Variants in ATL2 observed in about 807,000 individuals in gnomAD.
The protein encoded by ATL2 is atlastin GTPase 2.
A neutral mutation model predicts 73.9 loss-of-function variants in ATL2; 31 were observed. The ratio of observed to expected loss-of-function variants is 0.42; its 90% CI spans 0.32 to 0.57. ATL2 has a LOEUF of 0.57. Ranked by LOEUF, ATL2 falls within the 20% of genes least tolerant of loss-of-function variation. The pLI, the probability that ATL2 is intolerant of heterozygous loss-of-function variation, is 0.14. For synonymous variants in ATL2, 291 were observed against 237.5 expected (o/e 1.23, Z -2.07); for missense variants, 738 against 702.6 (o/e 1.05, Z -0.57).
Position 38,294,365 on chromosome 2 carries a change from G to A in ATL2, c.*1629C>T, listed in dbSNP as rs767691297. 6.6e-6 allele frequency among the ~76,000 whole-genome samples: 1 copy of A among 152,164 alleles called. No homozygotes were observed. The highest frequency in any genetic ancestry group is 1.5e-5 in the Non-Finnish European group (1 of 68,022). On this transcript the variant is annotated 3_prime_UTR_variant, in exon 13 of 13. Coordinates refer to ENST00000378954, the MANE Select transcript of ATL2 (RefSeq NM_001135673.4). ...CGATTGAGACCATCCTGGCTAAAAC[G>A]GTGAAACCCCATCTCTACTTAAAAT... is the stretch of plus-strand genomic sequence containing the variant.
At chr2:38,332,751 C>A (rs1382145530) in intron 2 of ATL2, among the ~76,000 whole-genome samples, 1 of 152,210 alleles carries the variant, frequency 6.6e-6, no homozygotes, top group Non-Finnish European at 1.5e-5. Context: ...ATGGCCCACT[C>A]AAGTTTCTGT....
rs146917971 is a variant in ATL2, at chr2:38,351,369, C to T, written c.119-7857G>A. 6.2e-3 allele frequency among the ~76,000 whole-genome samples: 938 copies of T among 151,952 alleles called. 11 individuals carry two copies. The highest frequency in any genetic ancestry group is 0.021 in the African/African-American group (862 of 41,466). Reference sequence around the variant, plus strand: ...AAGGACACTAATTTTATTCTGGTGGCAAAAATTAATGTTGCGTACCTCAAA... The same window carrying T: ...AAGGACACTAATTTTATTCTGGTGGTAAAAATTAATGTTGCGTACCTCAAA... On this transcript the variant is annotated intron_variant, in intron 1 of 12. Transcript: ENST00000378954.
At chr2:38,331,174 C>T (rs1417959002) in intron 2 of ATL2, among the ~76,000 whole-genome samples, 1 of 152,008 alleles carries the variant, frequency 6.6e-6, no homozygotes, top group African/African-American at 2.4e-5. Context: ...GTGGCTCATG[C>T]CTGTAATCCC....
At chr2:38,332,321 C>A (rs1056287348) in intron 2 of ATL2, among the ~76,000 whole-genome samples, 3 of 152,164 alleles carry the variant, frequency 2.0e-5, no homozygotes, top group Non-Finnish European at 4.4e-5. Flanking sequence ...ATCCTCCTGC[C>A]TTAGCCTCCT....
intron 5 of ATL2, 39 bp from the exon 6 acceptor site, chr2:38,314,703 G>T: frequency 1.5e-6 from 2 of 1,354,318 alleles, no homozygotes; most frequent in Non-Finnish European, 1.0e-6. Flanking sequence ...CCTCTAAAGA[G>T]ATTGAAAGAA....
chr2:38,324,880 G>A (rs1668511018), intron 2 of ATL2, among the ~76,000 whole-genome samples: 1 of 152,210 alleles, frequency 6.6e-6, no homozygotes, highest in Non-Finnish European at 1.5e-5. Flanking sequence ...AGGGGATTGG[G>A]GAGAGAAATG....
chr2:38,358,286 C>T (rs1398175977), intron 1 of ATL2, among the ~76,000 whole-genome samples: 1 of 152,092 alleles, frequency 6.6e-6, no homozygotes, highest in Non-Finnish European at 1.5e-5. Context: ...TCCTGGGAGA[C>T]TGCTAATACT....
At chr2:38,355,621 T>C (rs565858204) in intron 1 of ATL2, among the ~76,000 whole-genome samples, 38 of 150,900 alleles carry the variant, frequency 2.5e-4, no homozygotes, top group African/African-American at 8.5e-4. Context: ...CAATGCCAAG[T>C]AAGAAACTCA....
chr2:38,368,475 C>T (rs1193837790), intron 1 of ATL2, among the ~76,000 whole-genome samples: 2 of 152,078 alleles, frequency 1.3e-5, no homozygotes, highest in East Asian at 3.9e-4. Context: ...TGGTCTCGAA[C>T]TCCCCACCTC....
intron 2 of ATL2, among the ~76,000 whole-genome samples, chr2:38,339,778 C>CCT (rs1465350165): frequency 2.0e-5 from 3 of 152,156 alleles, no homozygotes; most frequent in African/African-American, 2.4e-5. Context: ...GCAACCTCCA[C>CCT]CTCCCAGGTT....
intron 9 of ATL2, among the ~76,000 whole-genome samples, chr2:38,305,884 G>A (rs549413573): frequency 6.6e-6 from 1 of 151,464 alleles, no homozygotes; most frequent in South Asian, 2.1e-4. Context: ...AGAAAAGGAA[G>A]AGCAAACTAA....
intron 2 of ATL2, among the ~76,000 whole-genome samples, chr2:38,331,902 A>G (rs1253084684): frequency 6.6e-6 from 1 of 152,036 alleles, no homozygotes; most frequent in Non-Finnish European, 1.5e-5. Context: ...ATTATTCCTA[A>G]TAGTCATAAA....
In ATL2 at chr2:38,371,034, C is replaced by A. The variant is rs1671660582; in HGVS notation, c.118+6109G>T. ...AATGGCAAAAATCAACTCCCCCATT[C>A]TGATAAAGGTGAAATTAAACCAACT... On this transcript the variant is annotated intron_variant, in intron 1 of 12. Coordinates refer to ENST00000378954, the MANE Select transcript of ATL2 (RefSeq NM_001135673.4). Among the ~76,000 whole-genome samples, 3 of 152,014 alleles carry A rather than the reference C, an allele frequency of 2.0e-5. No individual in the cohort carries two copies. The South Asian group carries it at 6.2e-4, about 32-fold the overall frequency.
At chr2:38,315,402 T>G in intron 4 of ATL2, 68 bp from the exon 5 acceptor site, 1 of 1,445,090 alleles carries the variant, frequency 6.9e-7, no homozygotes, top group Admixed American at 3.0e-5. Context: ...TCTGTATAAC[T>G]TTACTTGTGG....
rs1666779665 is a variant in ATL2 at position 38,294,436 on chromosome 2, T to C, written c.*1558A>G. Among the ~76,000 whole-genome samples the C allele has an allele frequency of 6.6e-6, 1 of 152,134 alleles. No individual in the cohort carries two copies. The highest frequency in any genetic ancestry group is 2.4e-5 in the African/African-American group (1 of 41,418). On this transcript the variant is annotated 3_prime_UTR_variant, in exon 13 of 13. Coordinates refer to ENST00000378954, the MANE Select transcript of ATL2 (RefSeq NM_001135673.4). ...GGTGGCACGCACCTGTAGTCCCAGC[T>C]ACTCAGGAGGCTGAGGCGGGAGAAT...
At chr2:38,375,256 T>G (rs189338772) in intron 1 of ATL2, among the ~76,000 whole-genome samples, 12 of 152,352 alleles carry the variant, frequency 7.9e-5, no homozygotes, top group Non-Finnish European at 1.5e-4. Context: ...TCATTCAGTC[T>G]GTTTCTTCTC....
chr2:38,310,100 T>C (rs1190622398), intron 8 of ATL2, among the ~76,000 whole-genome samples: 2 of 152,182 alleles, frequency 1.3e-5, no homozygotes, highest in Non-Finnish European at 2.9e-5. Context: ...ACAGACATTA[T>C]AAAATAGGTT....
chr2:38,349,151 G>C (rs1170933947), intron 1 of ATL2, among the ~76,000 whole-genome samples: 1 of 152,006 alleles, frequency 6.6e-6, no homozygotes, highest in Admixed American at 6.6e-5. Flanking sequence ...AATACCATTT[G>C]ACCCAGTCAT....
At chr2:38,299,843 A>T (rs1161142805) in intron 10 of ATL2, among the ~76,000 whole-genome samples, 3 of 152,226 alleles carry the variant, frequency 2.0e-5, no homozygotes, top group Non-Finnish European at 4.4e-5. Context: ...CCACCATTTG[A>T]AAGACAGAAA....
Sources: allele counts gnomAD v4.1 joint callset (sites outside exome capture counted in the v4.1 genomes callset), GRCh38; gene constraint gnomAD v4.1.1; transcripts MANE v1.5; gene names NCBI Gene and HGNC (gene_info 2026-07-23, HGNC 2026-07-21).